The following DOCK3 variants were observed in gnomAD, a reference collection of about 807,000 sequenced individuals.
DOCK3 encodes the protein dedicator of cytokinesis protein 3.
A neutral mutation model predicts 265.6 loss-of-function variants in DOCK3; 60 were observed. The observed-to-expected ratio is 0.23, with a 90% CI of 0.18 to 0.28. DOCK3 has a LOEUF of 0.28. DOCK3 is among the 10% of genes least tolerant of loss of function. The pLI is 1.00. For synonymous variants in DOCK3, 881 were observed against 938.0 expected (o/e 0.94, Z 1.11); for missense variants, 1,981 against 2,594.3 (o/e 0.76, Z 5.14).
chr3:50,968,839 T>C (rs2077111511), intron 5 of DOCK3, among the ~76,000 whole-genome samples: 1 of 152,220 alleles, frequency 6.6e-6, no homozygotes, highest in Admixed American at 6.5e-5. Context: ...CGTGAGCCAC[T>C]GTGCCCAGCC....
intron 2 of DOCK3, among the ~76,000 whole-genome samples, chr3:50,784,263 G>A (rs2042073383): frequency 6.6e-6 from 1 of 152,164 alleles, no homozygotes; most frequent in South Asian, 2.1e-4. Flanking sequence ...GTTGAATAGG[G>A]TGTGTCCTTT....
intron 1 of DOCK3, among the ~76,000 whole-genome samples, chr3:50,750,518 C>T (rs1015261884): frequency 1.3e-5 from 2 of 151,740 alleles, no homozygotes; most frequent in Non-Finnish European, 2.9e-5. Flanking sequence ...TTAGTAGAGA[C>T]GGGGTTTCAC....
chr3:51,372,981 G>C (rs1390606568), intron 49 of DOCK3, among the ~76,000 whole-genome samples: 1 of 152,218 alleles, frequency 6.6e-6, no homozygotes, highest in Non-Finnish European at 1.5e-5. Flanking sequence ...TCTTACAAGT[G>C]AAAGGACATT....
At chr3:51,118,797 C>T (rs780231454) in intron 9 of DOCK3, among the ~76,000 whole-genome samples, 2 of 148,286 alleles carry the variant, frequency 1.3e-5, no homozygotes, top group African/African-American at 5.3e-5. Flanking sequence ...GATTACAACC[C>T]ATTTTTTTTT....
At chr3:51,146,126 G>A (rs561584757) in intron 9 of DOCK3, among the ~76,000 whole-genome samples, 2 of 152,280 alleles carry the variant, frequency 1.3e-5, no homozygotes, top group East Asian at 1.9e-4. Context: ...TGTAAATTTG[G>A]TAATGTAGAT....
intron 5 of DOCK3, among the ~76,000 whole-genome samples, chr3:51,035,196 T>C (rs1489094795): frequency 2.0e-5 from 3 of 152,070 alleles, no homozygotes; most frequent in Admixed American, 1.3e-4. Context: ...CATTCTCTCT[T>C]TGTCTTTTTC....
At chr3:50,978,217 G>A (rs1430234839) in intron 5 of DOCK3, among the ~76,000 whole-genome samples, 5 of 148,742 alleles carry the variant, frequency 3.4e-5, no homozygotes, top group East Asian at 2.0e-4. Context: ...GAGGAGAGGT[G>A]CTCTGCTTTT....
intron 7 of DOCK3, among the ~76,000 whole-genome samples, chr3:51,084,532 T>G (rs1244907671): frequency 3.3e-5 from 5 of 152,118 alleles, no homozygotes; most frequent in African/African-American, 9.7e-5. Flanking sequence ...ACATAAAATC[T>G]TTCTAGACAA....
intron 12 of DOCK3, among the ~76,000 whole-genome samples, chr3:51,193,769 T>C (rs994783135): frequency 6.6e-6 from 1 of 150,738 alleles, no homozygotes; most frequent in African/African-American, 2.4e-5. Context: ...ATGTCTTCTT[T>C]GTTTTTTCTG....
At chr3:51,090,695 G>A (rs952369431) in intron 9 of DOCK3, among the ~76,000 whole-genome samples, 2 of 152,158 alleles carry the variant, frequency 1.3e-5, no homozygotes, top group Non-Finnish European at 2.9e-5. Context: ...GAGAAACATA[G>A]AACCAAACAA....
At chr3:50,772,160 A>G (rs966949146) in intron 1 of DOCK3, among the ~76,000 whole-genome samples, 1 of 152,232 alleles carries the variant, frequency 6.6e-6, no homozygotes, top group African/African-American at 2.4e-5. Flanking sequence ...GTGAAACTGA[A>G]GATCATTATA....
intron 1 of DOCK3, among the ~76,000 whole-genome samples, chr3:50,727,461 G>C (rs1033313502): frequency 1.3e-5 from 2 of 152,178 alleles, no homozygotes; most frequent in Non-Finnish European, 2.9e-5. Context: ...ACTTTGGGAG[G>C]CCGAGGTGGG....
At position 50,717,264 on chromosome 3, in the gene DOCK3, G is replaced by A. The variant is rs143287680; in HGVS notation, c.37+41964G>A. ...TGTGCAAATATACCTGTAAGATAAA[G>A]TTACAGATGTTGGACATGTAGAATC... On this transcript the variant is annotated intron_variant, in intron 1 of 52. Transcript: ENST00000266037. Among the ~76,000 whole-genome samples, 697 of 152,308 alleles carry A rather than the reference G, an allele frequency of 4.6e-3. 5 individuals carry two copies. The highest frequency in any genetic ancestry group is 0.016 in the African/African-American group (666 of 41,570).
chr3:51,341,500 G>A, intron 38 of DOCK3, 115 bp downstream of exon 38: 2 of 1,445,294 alleles, frequency 1.4e-6, no homozygotes, highest in Non-Finnish European at 1.9e-6. Flanking sequence ...TGGTGAGTGG[G>A]TGGGTGCCTA....
chr3:51,016,627 A>AAT (rs1157703084), intron 5 of DOCK3, among the ~76,000 whole-genome samples: 2 of 35,452 alleles, frequency 5.6e-5, no homozygotes, highest in African/African-American at 2.3e-4. Context: ...TTATATATAT[A>AAT]ATATATATGA....
At chr3:50,898,756 CA>C (rs1168689028) in intron 4 of DOCK3, among the ~76,000 whole-genome samples, 1 of 152,018 alleles carries the variant, frequency 6.6e-6, no homozygotes, top group African/African-American at 2.4e-5. Context: ...CATTCAGGAG[CA>C]GGTTGTTCAG....
chr3:51,067,062 CTTTTTA>C (rs1024606887), intron 6 of DOCK3, among the ~76,000 whole-genome samples: 1 of 152,142 alleles, frequency 6.6e-6, no homozygotes. Context: ...AATTATGTCA[CTTTTTA>C]TTTTTAAGTC....
intron 4 of DOCK3, among the ~76,000 whole-genome samples, chr3:50,893,459 C>G (rs1226740803): frequency 6.6e-6 from 1 of 151,910 alleles, no homozygotes; most frequent in Non-Finnish European, 1.5e-5. Context: ...AATTCTGGAG[C>G]TGAAGAATAC....
Position 50,977,672 on chromosome 3 carries a change from T to C in DOCK3, c.315+43595T>C, listed in dbSNP as rs1156336174. On this transcript the variant is annotated intron_variant, in intron 5 of 52. Transcript: ENST00000266037. ...TCTTTGTGGTGGTCTCTGTATTTCCTGAATCTGAACGTTGGCCTGCCTTGC... is the reference window on the plus strand; with the variant it reads ...TCTTTGTGGTGGTCTCTGTATTTCCCGAATCTGAACGTTGGCCTGCCTTGC... 4.6e-5 allele frequency among the ~76,000 whole-genome samples: 7 copies of C among 152,304 alleles called. No individual in the cohort carries two copies. In the South Asian group the frequency reaches 6.2e-4, roughly 14 times the overall value.
Sources: gnomAD v4.1 joint callset for allele counts (sites outside exome capture counted in the v4.1 genomes callset) on GRCh38, gnomAD v4.1.1 for gene constraint, MANE v1.5 for transcripts, NCBI Gene and HGNC (gene_info 2026-07-23, HGNC 2026-07-21) for gene names.